Variants in KIF24 observed in about 807,000 individuals in gnomAD.
KIF24 encodes kinesin-like protein KIF24.
KIF24 carries 81 observed loss-of-function variants against 118.9 expected under a neutral mutation model. The ratio of observed to expected loss-of-function variants is 0.68; its 90% CI spans 0.57 to 0.82. The LOEUF (loss-of-function observed/expected upper bound fraction) is 0.82, where lower values mean the gene tolerates loss of function less well. KIF24 is among the 40% of genes least tolerant of loss of function. The pLI is 0.00. For missense variants in KIF24, 1,560 were observed against 1,661.6 expected (o/e 0.94, Z 1.06); for synonymous variants, 599 against 610.0 (o/e 0.98, Z 0.27).
chr9:34,315,323 C>T (rs1450624030), intron 1 of KIF24, among the ~76,000 whole-genome samples: 2 of 152,016 alleles, frequency 1.3e-5, no homozygotes, highest in African/African-American at 4.8e-5. Flanking sequence ...TGGTGTCTTT[C>T]TAGCCTTTTA....
upstream of KIF24, among the ~76,000 whole-genome samples, chr9:34,332,461 C>T (rs976933419): frequency 2.2e-4 from 33 of 152,300 alleles, no homozygotes; most frequent in African/African-American, 7.5e-4. Flanking sequence ...TGGTAGTATT[C>T]AGCTTCATAT....
rs1341652304 is a variant in KIF24, at chr9:34,257,209, G to A, written c.2398C>T (p.Leu800Phe). 25 of 1,614,092 alleles carry A rather than the reference G, an allele frequency of 1.5e-5. No homozygotes were observed. Among genetic ancestry groups the A allele is most frequent in the Non-Finnish European group, 2.1e-5 (25 of 1,179,904 alleles). ...LRQYRPPEGQ[L>F]TNETPPLFHS... ...AACAGAGGCGGAGTCTCATTCGTGA[G>A]CTGACCCTCTGGGGGCCTGTACTGG... The change falls in exon 11 of 13, where the codon CTC (leucine) becomes TTC (phenylalanine). Residue 800 changes from leucine to phenylalanine, a missense_variant. Leu to Phe is a conservative substitution (Grantham distance 22). Transcript: ENST00000402558.
Position 34,306,314 on chromosome 9 carries a change from T to C in KIF24, c.751A>G (p.Lys251Glu). 3.1e-6 allele frequency: 5 copies of C among 1,610,744 alleles called. No individual in the cohort carries two copies. Among genetic ancestry groups the C allele is most frequent in the Non-Finnish European group, 4.2e-6 (5 of 1,177,220 alleles). Residue 251 changes from lysine to glutamate, a missense_variant, in exon 3 of 13, where the codon AAA (lysine) becomes GAA (glutamate). By Grantham distance (56) the Lys-to-Glu change is moderately conservative. Around this residue, in one of 3 missense-constraint regions of KIF24, gnomAD observed 964 missense variants for 988.0 expected, o/e 0.98. Transcript: ENST00000402558. ...TTCTCATGCACAAGTAGAGTTTCTT[T>C]GTCTTCTACAGTAATAATATTAATT... ...GEINIITVED[K>E]ETLLVHEKKE...
chr9:34,300,850 C>CAAAA (rs57919845), intron 3 of KIF24, among the ~76,000 whole-genome samples: 5 of 105,632 alleles, frequency 4.7e-5, no homozygotes, highest in East Asian at 2.8e-4. Context: ...CGGCATTTCT[C>CAAAA]AAAAAAAAAA....
chr9:34,264,395 A>G (rs1835205776), intron 8 of KIF24, among the ~76,000 whole-genome samples: 1 of 151,068 alleles, frequency 6.6e-6, no homozygotes, highest in African/African-American at 2.4e-5. Flanking sequence ...ATGCCACTGT[A>G]CTCCAGCCTG....
At chr9:34,271,325 C>CAAAAAAAAAA (rs58895274) in intron 7 of KIF24, among the ~76,000 whole-genome samples, 2 of 107,342 alleles carry the variant, frequency 1.9e-5, no homozygotes, top group African/African-American at 4.4e-5. Context: ...AGCAATCCAG[C>CAAAAAAAAAA]AAAAAAAAAA....
intron 3 of KIF24, among the ~76,000 whole-genome samples, chr9:34,300,840 C>T (rs4480190): frequency 0.53 from 67,437 of 127,294 alleles, 19,091 homozygotes; most frequent in South Asian, 0.67. Context: ...TGGATATATT[C>T]GGCATTTCTC....
chr9:34,254,238 G>A lies in KIF24; in HGVS notation c.*142C>T. 2 of 892,904 alleles carry A rather than the reference G, an allele frequency of 2.2e-6. No individual in the cohort carries two copies. The allele number at this position is 892,904 out of a possible 1,614,324, so 55.3% of individuals were successfully genotyped here. On this transcript the variant is annotated 3_prime_UTR_variant, in exon 13 of 13. Coordinates refer to ENST00000402558, the MANE Select transcript of KIF24 (RefSeq NM_194313.4). ...AGCTGGGACCTATCTGAAGCCACGTGGGGCTGGGGTGACGCTAGCATAGGC... is the reference window on the plus strand; with the variant it reads ...AGCTGGGACCTATCTGAAGCCACGTAGGGCTGGGGTGACGCTAGCATAGGC...
chr9:34,290,663 G>T (rs1163850712), intron 4 of KIF24, among the ~76,000 whole-genome samples: 2 of 150,258 alleles, frequency 1.3e-5, no homozygotes, highest in Non-Finnish European at 3.0e-5. Flanking sequence ...GCAGTGGTGT[G>T]ATCTCCACTC....
chr9:34,308,290 T>C (rs892673754), intron 2 of KIF24, among the ~76,000 whole-genome samples: 2 of 150,790 alleles, frequency 1.3e-5, no homozygotes, highest in African/African-American at 4.9e-5. Context: ...TTTAATGCTT[T>C]TTTTTTTTTT....
intron 5 of KIF24, among the ~76,000 whole-genome samples, chr9:34,287,910 T>TA (rs79148065): frequency 0.13 from 17,531 of 131,946 alleles, 1,371 homozygotes; most frequent in Non-Finnish European, 0.19. Context: ...CATCTCTGTT[T>TA]AAAAAAAAAA....
At chr9:34,311,677 T>TATATATAC (rs1837157710) in intron 1 of KIF24, among the ~76,000 whole-genome samples, 1 of 90,798 alleles carries the variant, frequency 1.1e-5, no homozygotes, top group African/African-American at 4.7e-5. Context: ...TACGTGTATA[T>TATATATAC]GTATATATAT....
chr9:34,277,647 T>C (rs1399613293), intron 6 of KIF24, among the ~76,000 whole-genome samples: 1 of 152,310 alleles, frequency 6.6e-6, no homozygotes, highest in South Asian at 2.1e-4. Flanking sequence ...AGACCTAACA[T>C]GTTGAGATGC....
intron 6 of KIF24, among the ~76,000 whole-genome samples, chr9:34,285,930 T>TA (rs11283995): frequency 0.43 from 51,552 of 120,640 alleles, 12,923 homozygotes; most frequent in South Asian, 0.58. Context: ...CCCTGTTGCT[T>TA]AAAAAAAAAA....
At chr9:34,308,166 C>G (rs964089142) in intron 2 of KIF24, among the ~76,000 whole-genome samples, 4 of 152,184 alleles carry the variant, frequency 2.6e-5, no homozygotes, top group African/African-American at 4.8e-5. Flanking sequence ...CAGGGTCTCA[C>G]CATGTTGCCC....
rs565328346 is a variant in KIF24, at chr9:34,254,595, C to T, written c.3967-75G>A. 5.4e-6 allele frequency: 8 copies of T among 1,484,036 alleles called. No homozygotes were observed. The South Asian group carries it at 7.4e-5, about 14-fold the overall frequency. 91.9% of individuals were successfully genotyped at this position (1,484,036 alleles called of 1,614,324 possible). On this transcript the variant is annotated intron_variant, in intron 12 of 12. Transcript: ENST00000402558. ...TGCCAGATCTGCTTTTTCAGTCCCT[C>T]CTCTGGCAGGAAAGTTTCAGAACCC... is the stretch of plus-strand genomic sequence containing the variant.
Position 34,297,029 on chromosome 9 carries a change from T to C in KIF24, c.899A>G (p.His300Arg), listed in dbSNP as rs1769695053. The change falls in exon 4 of 13, where the codon CAT becomes CGT. Residue 300 changes from histidine (H) to arginine (R), a missense_variant. Physicochemically the swap from His to Arg is conservative, Grantham distance 29. Coordinates refer to ENST00000402558, the MANE Select transcript of KIF24 (RefSeq NM_194313.4). ...YMKTTHPLIQ[H>R]IFNGGNATCF... is the part of the protein sequence containing the mutation. ...ATCATTATCGTACCCATTGAAAATA[T>C]GCTGAATAAGTGGGTGAGTAGTCTT... 2 of 1,564,458 alleles carry C rather than the reference T, an allele frequency of 1.3e-6. No individual in the cohort carries two copies. Among genetic ancestry groups the C allele is most frequent in the Non-Finnish European group, 1.8e-6 (2 of 1,141,656 alleles).
upstream of KIF24, among the ~76,000 whole-genome samples, chr9:34,333,063 G>A (rs1210731802): frequency 1.3e-5 from 2 of 152,170 alleles, no homozygotes; most frequent in African/African-American, 4.8e-5. Context: ...CTGGAGGAGG[G>A]TCTGGGCAAA....
At chr9:34,290,422 T>A in intron 4 of KIF24, 33 bp from the exon 5 acceptor site, 11 of 1,305,416 alleles carry the variant, frequency 8.4e-6, no homozygotes, top group Non-Finnish European at 9.9e-6. Flanking sequence ...TACTTATGCA[T>A]ATTAAGAGAA....
Sources: gnomAD v4.1 joint callset for allele counts (sites outside exome capture counted in the v4.1 genomes callset) on GRCh38, gnomAD v4.1.1 for gene constraint, gnomAD v4.1.1 regional missense constraint, MANE v1.5 for transcripts, NCBI Gene and HGNC (gene_info 2026-07-23, HGNC 2026-07-21) for gene names.